The following GBF1 variants were observed in gnomAD, a reference collection of about 807,000 sequenced individuals.
GBF1 encodes golgi brefeldin A resistant guanine nucleotide exchange factor 1, also known as Golgi-specific brefeldin A-resistance guanine nucleotide exchange factor 1.
GBF1 carries 114 observed loss-of-function variants against 210.5 expected under a neutral mutation model. That is an observed-to-expected ratio of 0.54 (90% confidence interval 0.47 to 0.63). GBF1 has a LOEUF of 0.63. Among genes scored for constraint, GBF1 ranks in the 30% least tolerant of loss-of-function variants. The pLI is 0.00. For missense variants in GBF1, 1,851 were observed against 2,357.7 expected (o/e 0.79, Z 4.45); for synonymous variants, 850 against 889.2 (o/e 0.96, Z 0.78).
In GBF1 at chr10:102,363,461, G is replaced by C; in HGVS notation, c.2017+65G>C. 6.9e-7 allele frequency: 1 copy of C among 1,455,576 alleles called. No individual in the cohort carries two copies. The allele number at this position is 1,455,576 out of a possible 1,614,324, so 90.2% of individuals were successfully genotyped here. A position where few individuals can be genotyped will look rare whatever the true frequency, so the allele number is the denominator to read the frequency against. On this transcript the variant is annotated intron_variant, in intron 16 of 39. Coordinates refer to ENST00000369983, the MANE Select transcript of GBF1 (RefSeq NM_001377137.1). The surrounding 1 kb of genome is among the most constrained non-coding windows in gnomAD (Gnocchi z 4.2). ...GAGGGCCTGGTGAAGAGCAGAGGGA[G>C]GGAGCAGACACCTAGGATAGTAACT...
At chr10:102,309,464 G>A (rs1372721770) in intron 3 of GBF1, among the ~76,000 whole-genome samples, 1 of 152,176 alleles carries the variant, frequency 6.6e-6, no homozygotes, top group African/African-American at 2.4e-5. Context: ...CTGTAATACT[G>A]ATTTTTACCC....
rs1294715050 is a variant in GBF1, at chr10:102,296,732, C to A, written c.163+36616C>A. 3.4e-5 allele frequency among the ~76,000 whole-genome samples: 5 copies of A among 145,052 alleles called. No individual in the cohort carries two copies. In the East Asian group the frequency reaches 1.0e-3, roughly 30 times the overall value. ...CTCCAGCCTAGGCGACAGAGTGAGACTCTGTCTCAAAAAAAAAAAAAAGAA... is the reference window on the plus strand; with the variant it reads ...CTCCAGCCTAGGCGACAGAGTGAGAATCTGTCTCAAAAAAAAAAAAAAGAA... On this transcript the variant is annotated intron_variant, in intron 3 of 39. Coordinates refer to ENST00000369983, the MANE Select transcript of GBF1 (RefSeq NM_001377137.1).
intron 22 of GBF1, 91 bp from the exon 23 acceptor site, chr10:102,368,648 C>T: frequency 1.1e-6 from 1 of 940,956 alleles, no homozygotes; most frequent in Non-Finnish European, 1.7e-6. Flanking sequence ...CTGGGACTGA[C>T]TGGGGAAGAG....
rs2059440879 is a variant in GBF1, at chr10:102,358,950, T to C, written c.1011+221T>C. ...CATGAGATTTATCAAGTTATGCATA[T>C]AGGTAGTACTTGACAAAAGGGAAGG... is the stretch of plus-strand genomic sequence containing the variant. On this transcript the variant is annotated intron_variant, in intron 10 of 39. Coordinates refer to ENST00000369983, the MANE Select transcript of GBF1 (RefSeq NM_001377137.1). 2.0e-5 allele frequency: 12 copies of C among 593,094 alleles called. No individual in the cohort carries two copies. In the East Asian group the frequency reaches 3.4e-4, roughly 17 times the overall value. 36.7% of individuals were successfully genotyped at this position (593,094 alleles called of 1,614,324 possible).
chr10:102,338,327 G>C (rs1462290647), intron 3 of GBF1, among the ~76,000 whole-genome samples: 4 of 143,002 alleles, frequency 2.8e-5, no homozygotes, highest in African/African-American at 1.1e-4. Context: ...TGTAGCCTCT[G>C]CCTCCCAGGT....
chr10:102,381,293 G>C (rs766240956), intron 39 of GBF1, 38 bp downstream of exon 39: 1 of 1,606,242 alleles, frequency 6.2e-7, no homozygotes, highest in South Asian at 1.1e-5. Context: ...GCACTGAGTA[G>C]CAAGCAGGGG....
At chr10:102,232,277 C>G in the GBF1 span, among the ~76,000 whole-genome samples, 1 of 152,236 alleles carries the variant, frequency 6.6e-6, no homozygotes. Flanking sequence ...GAGGTGCATG[C>G]TGAGAGGTTC....
chr10:102,349,897 C>T (rs976191510), intron 4 of GBF1, among the ~76,000 whole-genome samples: 2 of 152,188 alleles, frequency 1.3e-5, no homozygotes, highest in South Asian at 2.1e-4. Context: ...AGCTTCTCCC[C>T]TCTTATTCTG....
In GBF1 at chr10:102,379,750, A is replaced by G. The variant is rs971702639; in HGVS notation, c.4776+99A>G. On this transcript the variant is annotated intron_variant, in intron 35 of 39. Transcript: ENST00000369983. Reference sequence around the variant, plus strand: ...CTAATGTGAGTCTTCAGCCTGCATCATACCTTCCCTTCAGCTCTATGCCCA... The same window carrying G: ...CTAATGTGAGTCTTCAGCCTGCATCGTACCTTCCCTTCAGCTCTATGCCCA... 3.4e-6 allele frequency: 5 copies of G among 1,486,822 alleles called. No homozygotes were observed. The African/African-American group carries it at 6.9e-5, about 21-fold the overall frequency. 92.1% of individuals were successfully genotyped at this position (1,486,822 alleles called of 1,614,324 possible).
chr10:102,313,394 A>G (rs901220998), intron 3 of GBF1, among the ~76,000 whole-genome samples: 1 of 152,096 alleles, frequency 6.6e-6, no homozygotes, highest in African/African-American at 2.4e-5. Flanking sequence ...TTCCTGTGCC[A>G]TCTCAGTGGT....
chr10:102,382,189 GCCCTTGGCCTC>G lies in GBF1; in HGVS notation c.5440_5450del (p.Leu1814ThrfsTer41). 1 of 1,614,046 alleles carries G rather than the reference GCCCTTGGCCTC, an allele frequency of 6.2e-7. No individual in the cohort carries two copies. The highest frequency in any genetic ancestry group is 2.2e-5 in the East Asian group (1 of 44,868). ...TGGCTCAGCCCCCACTGATCCTGCA[GCCCTTGGCCTC>G]CCCACTGCAGGTGGGCGTGCCACCT... On this transcript the variant is annotated frameshift_variant, in exon 40 of 40. Coordinates refer to ENST00000369983, the MANE Select transcript of GBF1 (RefSeq NM_001377137.1). LOFTEE classifies it high-confidence loss of function.
rs566397765 is a variant in GBF1, at chr10:102,382,632, G to A, written c.*296G>A. Reference sequence around the variant, plus strand: ...AGCTCTGGGGAGGCATCCGTGTGCCGGCCCTGCAGTGCCTGCCCACGGTCA... The same window carrying A: ...AGCTCTGGGGAGGCATCCGTGTGCCAGCCCTGCAGTGCCTGCCCACGGTCA... On this transcript the variant is annotated 3_prime_UTR_variant, in exon 40 of 40. Coordinates refer to ENST00000369983, the MANE Select transcript of GBF1 (RefSeq NM_001377137.1). 136 of 367,782 alleles carry A rather than the reference G, an allele frequency of 3.7e-4. No individual in the cohort carries two copies. In the South Asian group the frequency reaches 9.1e-3, roughly 25 times the overall value. The allele number at this position is 367,782 out of a possible 1,614,324, so 22.8% of individuals were successfully genotyped here.
intron 18 of GBF1, 35 bp downstream of exon 18, chr10:102,365,634 G>A: frequency 6.4e-7 from 1 of 1,556,098 alleles, no homozygotes; most frequent in South Asian, 1.1e-5. Flanking sequence ...GATATAGCCA[G>A]GTATGGTGGC....
At chr10:102,294,281 A>C (rs1179258797) in intron 3 of GBF1, among the ~76,000 whole-genome samples, 1 of 151,930 alleles carries the variant, frequency 6.6e-6, no homozygotes, top group African/African-American at 2.4e-5. Flanking sequence ...CTTCACATTC[A>C]CTCACTATTC....
Position 102,367,089 on chromosome 10 carries a change from G to C in GBF1, c.2438G>C (p.Cys813Ser). 2 of 1,614,090 alleles carry C rather than the reference G, an allele frequency of 1.2e-6. No homozygotes were observed. The highest frequency in any genetic ancestry group is 1.7e-6 in the Non-Finnish European group (2 of 1,179,986). Reference protein sequence around the residue: ...LEAFTERWMNCNGSPFANSDA... With the variant: ...LEAFTERWMNSNGSPFANSDA... ...GCGGGATCTTTGCTTTTTCAGAATT[G>C]TAATGGCTCCCCATTTGCCAATAGC... is the stretch of plus-strand genomic sequence containing the variant. The change falls in exon 20 of 40, where the codon TGT becomes TCT. Residue 813 changes from cysteine (C) to serine (S), a missense_variant. By Grantham distance (112) the Cys-to-Ser change is moderately radical. This residue lies in a region of GBF1 where 80 missense variants were observed against 151.4 expected (regional missense o/e 0.53). Transcript: ENST00000369983.
At chr10:102,381,823 GAAAAAAAAA>G (rs386372282) in intron 39 of GBF1, among the ~76,000 whole-genome samples, 89 of 19,114 alleles carry the variant, frequency 4.7e-3, no homozygotes, top group South Asian at 0.011. Context: ...ACCCTGTCGC[GAAAAAAAAA>G]AAAAAAAAAA....
rs769419469 is a variant in GBF1 at position 102,366,964 on chromosome 10, G to C, written c.2434-121G>C. 6.6e-5 allele frequency: 71 copies of C among 1,081,344 alleles called. No homozygotes were observed. Among genetic ancestry groups the C allele is most frequent in the Non-Finnish European group, 9.4e-5 (69 of 736,982 alleles). 67.0% of individuals were successfully genotyped at this position (1,081,344 alleles called of 1,614,324 possible). On this transcript the variant is annotated intron_variant, in intron 19 of 39. Transcript: ENST00000369983. This position sits in a 1 kb window ranked among gnomAD's most constrained non-coding sequence, Gnocchi z 4.0. ...TCAGCTTCTGTTAAGGAGTTGGCAAGAGACTGGCCACTTTCTGGATGGTAC... is the reference window on the plus strand; with the variant it reads ...TCAGCTTCTGTTAAGGAGTTGGCAACAGACTGGCCACTTTCTGGATGGTAC...
chr10:102,371,545 A>G (rs1186939570), intron 29 of GBF1, among the ~76,000 whole-genome samples: 1 of 152,248 alleles, frequency 6.6e-6, no homozygotes, highest in Non-Finnish European at 1.5e-5. Context: ...AATCCCAGAA[A>G]GGTTCTTGTA....
intron 29 of GBF1, 77 bp downstream of exon 29, chr10:102,370,937 T>G: frequency 7.3e-7 from 1 of 1,364,746 alleles, no homozygotes; most frequent in Non-Finnish European, 1.0e-6. Flanking sequence ...GAATATGGCC[T>G]GAGACAGAGA....
Sources: allele counts gnomAD v4.1 joint callset (sites outside exome capture counted in the v4.1 genomes callset), GRCh38; gene constraint gnomAD v4.1.1; regional missense constraint gnomAD v4.1.1; non-coding constraint Gnocchi (gnomAD v3.1); transcripts MANE v1.5; gene names NCBI Gene and HGNC (gene_info 2026-07-23, HGNC 2026-07-21).